The following RYR2 variants were observed in gnomAD, a reference collection of about 807,000 sequenced individuals.
RYR2 encodes the protein cardiac muscle ryanodine receptor-calcium release channel.
Under a neutral mutation model 601.1 loss-of-function variants are expected in RYR2, and 227 were observed. The observed-to-expected ratio is 0.38, with a 90% CI of 0.34 to 0.42. The LOEUF (loss-of-function observed/expected upper bound fraction) is 0.42, where lower values mean the gene tolerates loss of function less well. RYR2 is among the 10% of genes least tolerant of loss of function. The pLI is 1.00. For missense variants in RYR2, 4,646 were observed against 6,156.5 expected (o/e 0.75, Z 8.21); for synonymous variants, 2,223 against 2,175.1 (o/e 1.02, Z -0.61).
chr1:237,495,938 T>G (rs543023432), intron 19 of RYR2, among the ~76,000 whole-genome samples: 6 of 152,334 alleles, frequency 3.9e-5, no homozygotes, highest in African/African-American at 1.4e-4. Context: ...TAACATTAGT[T>G]CCTTGGGTGA....
intron 20 of RYR2, 138 bp downstream of exon 20, chr1:237,496,890 A>C (rs970081694): frequency 1.9e-6 from 2 of 1,033,436 alleles, no homozygotes; most frequent in Non-Finnish European, 2.8e-6. Context: ...GATGATGAGT[A>C]AGAGTGTTGA....
At chr1:237,410,522 A>G (rs1311137780) in intron 10 of RYR2, among the ~76,000 whole-genome samples, 1 of 152,178 alleles carries the variant, frequency 6.6e-6, no homozygotes, top group Non-Finnish European at 1.5e-5. Context: ...AATCCAGCCC[A>G]CTGCCTTTTT....
chr1:237,175,941 T>C (rs921334281), intron 1 of RYR2, among the ~76,000 whole-genome samples: 14 of 152,140 alleles, frequency 9.2e-5, no homozygotes, highest in African/African-American at 2.9e-4. Context: ...TTTAAAGTTA[T>C]GTTTTCTGGG....
intron 27 of RYR2, among the ~76,000 whole-genome samples, chr1:237,557,973 G>A (rs1176908560): frequency 1.3e-5 from 2 of 152,198 alleles, no homozygotes; most frequent in South Asian, 4.1e-4. Flanking sequence ...ACTATTGCTA[G>A]AGAGAAACAG....
chr1:237,211,021 T>TTTGGGCTGCTGGGA (rs72515948), intron 1 of RYR2, among the ~76,000 whole-genome samples: 1 of 151,690 alleles, frequency 6.6e-6, no homozygotes, highest in Non-Finnish European at 1.5e-5. Context: ...GGGACGATGT[T>TTTGGGCTGCTGGGA]TGGGCTGCTG....
chr1:237,226,138 T>C (rs1022135395), intron 1 of RYR2, among the ~76,000 whole-genome samples: 3 of 152,220 alleles, frequency 2.0e-5, no homozygotes, highest in African/African-American at 7.2e-5. Context: ...TTCACATTTC[T>C]GTTAGAACAG....
intron 2 of RYR2, among the ~76,000 whole-genome samples, chr1:237,306,908 TATG>T (rs774594998): frequency 6.6e-6 from 1 of 152,228 alleles, no homozygotes; most frequent in Non-Finnish European, 1.5e-5. Context: ...TCTTCCTTAA[TATG>T]ATGATTCATT....
At chr1:237,185,192 G>A (rs560029350) in intron 1 of RYR2, among the ~76,000 whole-genome samples, 1 of 151,930 alleles carries the variant, frequency 6.6e-6, no homozygotes, top group East Asian at 1.9e-4. Flanking sequence ...TAGAGATACA[G>A]TCTCACTATG....
intron 75 of RYR2, 67 bp from the exon 76 acceptor site, chr1:237,727,020 G>C (rs538078764): frequency 1.2e-6 from 1 of 833,382 alleles, no homozygotes; most frequent in South Asian, 1.4e-5. Flanking sequence ...AGTTTGGGGT[G>C]TAAATATTTA....
chr1:237,556,468 T>C (rs1670894479), intron 27 of RYR2, among the ~76,000 whole-genome samples: 1 of 3,880 alleles, frequency 2.6e-4, no homozygotes, highest in Admixed American at 0.016. Context: ...GCCCGGCTAA[T>C]TTTTTTTTTT....
intron 84 of RYR2, among the ~76,000 whole-genome samples, chr1:237,763,325 G>A (rs1255968024): frequency 6.6e-6 from 1 of 152,152 alleles, no homozygotes; most frequent in Non-Finnish European, 1.5e-5. Context: ...CTTTATGGCT[G>A]TACTGATTGG....
At chr1:237,723,815 AT>A (rs1043467097) in intron 74 of RYR2, among the ~76,000 whole-genome samples, 1 of 151,952 alleles carries the variant, frequency 6.6e-6, no homozygotes, top group Non-Finnish European at 1.5e-5. Flanking sequence ...GTTTTTATAT[AT>A]TTTTTCAGTT....
chr1:237,142,605 G>A (rs1417714239), intron 1 of RYR2, among the ~76,000 whole-genome samples: 1 of 152,160 alleles, frequency 6.6e-6, no homozygotes, highest in African/African-American at 2.4e-5. Flanking sequence ...CTGTGATGAG[G>A]AGCTCTTCAT....
chr1:237,401,725 T>C (rs1442459585), intron 10 of RYR2, among the ~76,000 whole-genome samples: 1 of 152,226 alleles, frequency 6.6e-6, no homozygotes, highest in Non-Finnish European at 1.5e-5. Flanking sequence ...CATGATGGAA[T>C]TCAATCTCTA....
intron 1 of RYR2, among the ~76,000 whole-genome samples, chr1:237,126,493 T>C (rs1478447484): frequency 6.6e-6 from 1 of 152,142 alleles, no homozygotes; most frequent in African/African-American, 2.4e-5. Flanking sequence ...CCCTCCCTCC[T>C]ACCCCATCAG....
rs1553320191 is a variant in RYR2, at chr1:237,778,779, A to T, written c.11880+9A>T. 1 of 1,420,498 alleles carries T rather than the reference A, an allele frequency of 7.0e-7. No individual in the cohort carries two copies. The highest frequency in any genetic ancestry group is 1.1e-5 in the South Asian group (1 of 87,216). The allele number at this position is 1,420,498 out of a possible 1,614,324, so 88.0% of individuals were successfully genotyped here. Reference sequence around the variant, plus strand: ...AGATGAAGCTGTCGCAGGTAAACTAACTAACTGCCTTCCTCTCTCTTAAAT... The same window carrying T: ...AGATGAAGCTGTCGCAGGTAAACTATCTAACTGCCTTCCTCTCTCTTAAAT... On this transcript the variant is annotated intron_variant, in intron 88 of 104. Coordinates refer to ENST00000366574, the MANE Select transcript of RYR2 (RefSeq NM_001035.3).
intron 1 of RYR2, among the ~76,000 whole-genome samples, chr1:237,224,034 C>T (rs1684100494): frequency 6.6e-6 from 1 of 152,012 alleles, no homozygotes; most frequent in Non-Finnish European, 1.5e-5. Flanking sequence ...TGGATGATTT[C>T]CTTTTTGCAA....
intron 27 of RYR2, among the ~76,000 whole-genome samples, chr1:237,559,214 G>C (rs571374728): frequency 2.9e-4 from 44 of 152,210 alleles, no homozygotes; most frequent in African/African-American, 9.4e-4. Context: ...AAAATCCAGG[G>C]AGTGTTTATT....
At chr1:237,563,277 G>A (rs1461629344) in intron 27 of RYR2, among the ~76,000 whole-genome samples, 1 of 151,930 alleles carries the variant, frequency 6.6e-6, no homozygotes, top group African/African-American at 2.4e-5. Context: ...CTTGGATGGT[G>A]GCACATGCCT....
Sources: allele counts gnomAD v4.1 joint callset (sites outside exome capture counted in the v4.1 genomes callset), GRCh38; gene constraint gnomAD v4.1.1; transcripts MANE v1.5; gene names NCBI Gene and HGNC (gene_info 2026-07-23, HGNC 2026-07-21).